DGKB: variants seen among roughly 807,000 people sequenced by gnomAD.
The protein encoded by DGKB is 90 kDa diacylglycerol kinase.
A neutral mutation model predicts 114.3 loss-of-function variants in DGKB; 67 were observed. The ratio of observed to expected loss-of-function variants is 0.59; its 90% CI spans 0.48 to 0.72. DGKB has a LOEUF of 0.72. DGKB is among the 30% of genes least tolerant of loss of function. DGKB has a pLI of 0.00. For synonymous variants in DGKB, 398 were observed against 323.1 expected (o/e 1.23, Z -2.49); for missense variants, 907 against 975.2 (o/e 0.93, Z 0.93).
In DGKB at chr7:14,406,329, T is replaced by C. The variant is rs1434323626; in HGVS notation, c.1836-60938A>G. ...TGGCTCAGAACAGTAGACCCTTAAATTCATTAAGGGTCAACTACTTTAATA... is the reference window on the plus strand; with the variant it reads ...TGGCTCAGAACAGTAGACCCTTAAACTCATTAAGGGTCAACTACTTTAATA... On this transcript the variant is annotated intron_variant, in intron 21 of 25. Transcript: ENST00000402815. Among the ~76,000 whole-genome samples the C allele has an allele frequency of 2.0e-5, 3 of 152,002 alleles. No homozygotes were observed. In the East Asian group the frequency reaches 5.8e-4, roughly 29 times the overall value.
chr7:14,344,708 T>TG lies in DGKB; in HGVS notation c.1926+592_1926+593insC, dbSNP rs1202530277. ...CTCCAAAATTTTGAGTCCTACAGTG[T>TG]CTTTTTTTTTTACAGACCTATTTGC... On this transcript the variant is annotated intron_variant, in intron 22 of 25. Coordinates refer to ENST00000402815, the MANE Select transcript of DGKB (RefSeq NM_001350709.2). Among the ~76,000 whole-genome samples the TG allele has an allele frequency of 1.5e-4, 20 of 136,610 alleles. No homozygotes were observed. In the South Asian group the frequency reaches 4.4e-3, roughly 30 times the overall value. 89.6% of individuals were successfully genotyped at this position (136,610 alleles called of 152,430 possible).
rs775157585 is a variant in DGKB, at chr7:14,304,154, C to T, written c.2122+34361G>A. ...ACACTTTTTCTCAAAAATAACAAAT[C>T]AACCTGTAATTCTTCACACTAACGG... On this transcript the variant is annotated intron_variant, in intron 23 of 25. Coordinates refer to ENST00000402815, the MANE Select transcript of DGKB (RefSeq NM_001350709.2). 3.8e-4 allele frequency among the ~76,000 whole-genome samples: 57 copies of T among 150,478 alleles called. 1 individual carries two copies. Among genetic ancestry groups the T allele is most frequent in the Non-Finnish European group, 6.1e-4 (41 of 67,764 alleles).
chr7:14,583,202 A>G (rs1005335607), intron 17 of DGKB, 65 bp from the exon 18 acceptor site: 7 of 960,548 alleles, frequency 7.3e-6, no homozygotes, highest in Non-Finnish European at 1.1e-5. Context: ...TCAGTTTTGT[A>G]TCATTAACAT....
chr7:14,750,202 GT>G, intron 4 of DGKB: 1 of 513,400 alleles, frequency 1.9e-6, no homozygotes. Flanking sequence ...TGCACATTAT[GT>G]TATAGTTAAA....
intron 13 of DGKB, among the ~76,000 whole-genome samples, chr7:14,630,984 C>A (rs1211632184): frequency 1.3e-5 from 2 of 149,380 alleles, no homozygotes; most frequent in Non-Finnish European, 3.0e-5. Flanking sequence ...ACATAAAATA[C>A]AAATTTGGAT....
At chr7:14,410,081 T>C (rs1354602052) in intron 21 of DGKB, among the ~76,000 whole-genome samples, 1 of 152,038 alleles carries the variant, frequency 6.6e-6, no homozygotes, top group African/African-American at 2.4e-5. Flanking sequence ...ACTCTTGCAA[T>C]GTTGAAGGGT....
intron 21 of DGKB, among the ~76,000 whole-genome samples, chr7:14,464,878 C>T (rs1210935577): frequency 6.6e-6 from 1 of 152,102 alleles, no homozygotes; most frequent in African/African-American, 2.4e-5. Context: ...ACACAAGAAC[C>T]TCTCAGACTT....
At chr7:14,377,624 C>T (rs1818710412) in intron 21 of DGKB, among the ~76,000 whole-genome samples, 1 of 152,136 alleles carries the variant, frequency 6.6e-6, no homozygotes, top group Non-Finnish European at 1.5e-5. Flanking sequence ...GTAACAAACG[C>T]AGCCAAAAAG....
intron 2 of DGKB, among the ~76,000 whole-genome samples, chr7:14,819,881 T>G (rs1844672101): frequency 6.6e-6 from 1 of 152,138 alleles, no homozygotes; most frequent in African/African-American, 2.4e-5. Context: ...ATAAATGGCA[T>G]AGCCAAGAAA....
chr7:14,769,101 GAAA>G (rs1836916181), intron 2 of DGKB, among the ~76,000 whole-genome samples: 1 of 104,038 alleles, frequency 9.6e-6, no homozygotes, highest in African/African-American at 4.1e-5. Flanking sequence ...AAGAAAGAAA[GAAA>G]GAAAGAAAGA....
upstream of DGKB, among the ~76,000 whole-genome samples, chr7:14,906,441 TTCTG>T (rs1562866027): frequency 1.4e-5 from 2 of 139,640 alleles, no homozygotes; most frequent in Non-Finnish European, 3.0e-5. Context: ...TTTTTCTTTT[TTCTG>T]TCTTTTTTTT....
In DGKB at chr7:14,613,367, G is replaced by C; in HGVS notation, c.1331C>G (p.Pro444Arg). The C allele has an allele frequency of 6.4e-7, 1 of 1,570,570 alleles. No homozygotes were observed. Residue 444 changes from proline (P) to arginine (R), a missense_variant, in exon 16 of 26, where the codon CCC becomes CGC. Around this residue, in one of 3 missense-constraint regions of DGKB, gnomAD observed 814 missense variants for 856.6 expected, o/e 0.95. Coordinates refer to ENST00000402815, the MANE Select transcript of DGKB (RefSeq NM_001350709.2). ...TTCTCCTTGTTTTCCACCACTTTTG[G>C]GGTTCACAAAAACTAAAAGTGGGTG... ...GTHPLLVFVN[P>R]KSGGKQGERI...
chr7:14,630,116 T>A (rs926428840), intron 14 of DGKB, 120 bp downstream of exon 14: 12 of 554,120 alleles, frequency 2.2e-5, no homozygotes, highest in East Asian at 3.4e-5. Context: ...ATGAAAAAAA[T>A]AAAATATAAC....
At chr7:14,161,478 C>T (rs929191197) in intron 25 of DGKB, among the ~76,000 whole-genome samples, 15 of 152,054 alleles carry the variant, frequency 9.9e-5, no homozygotes, top group Non-Finnish European at 1.8e-4. Context: ...GAATACTATG[C>T]AGCCATAAAA....
At chr7:14,479,715 G>A (rs904305857) in intron 20 of DGKB, among the ~76,000 whole-genome samples, 4 of 151,986 alleles carry the variant, frequency 2.6e-5, no homozygotes, top group African/African-American at 9.7e-5. Context: ...TTTATAATAT[G>A]AAGTTGTCTT....
chr7:14,453,266 C>T (rs1584053207), intron 21 of DGKB, among the ~76,000 whole-genome samples: 1 of 152,056 alleles, frequency 6.6e-6, no homozygotes, highest in African/African-American at 2.4e-5. Flanking sequence ...TTGTCAGGTT[C>T]CAGAGCCACC....
Position 14,621,397 on chromosome 7 carries a change from A to G in DGKB, c.1265T>C (p.Val422Ala). ...TCATACCTGCAGGCCTTGTCCATCT[A>G]CAGTAACAGAGTTGGCTCTTTGCAT... is the stretch of plus-strand genomic sequence containing the variant. ...NKMQRANSVT[V>A]DGQGLQVTPV... The change falls in exon 15 of 26, where the codon GTA becomes GCA. Residue 422 changes from valine (V) to alanine (A), a missense_variant. Physicochemically the swap from Val to Ala is moderately conservative, Grantham distance 64. Transcript: ENST00000402815. 1 of 1,609,240 alleles carries G rather than the reference A, an allele frequency of 6.2e-7. No individual in the cohort carries two copies. The highest frequency in any genetic ancestry group is 8.5e-7 in the Non-Finnish European group (1 of 1,176,730).
At chr7:14,837,883 C>A (rs1451504972) in intron 2 of DGKB, among the ~76,000 whole-genome samples, 1 of 152,116 alleles carries the variant, frequency 6.6e-6, no homozygotes, top group African/African-American at 2.4e-5. Flanking sequence ...GTCCTTGGAG[C>A]AGGAAATCTA....
chr7:14,780,152 G>T (rs938028990), intron 2 of DGKB, among the ~76,000 whole-genome samples: 1 of 152,144 alleles, frequency 6.6e-6, no homozygotes, highest in Non-Finnish European at 1.5e-5. Context: ...TGCCAGCTGG[G>T]AAATGAGCGG....
Sources: allele counts gnomAD v4.1 joint callset (sites outside exome capture counted in the v4.1 genomes callset), GRCh38; gene constraint gnomAD v4.1.1; regional missense constraint gnomAD v4.1.1; transcripts MANE v1.5; gene names NCBI Gene and HGNC (gene_info 2026-07-23, HGNC 2026-07-21).